Variants in SLC25A23 observed in about 807,000 individuals in gnomAD.
SLC25A23 encodes the protein solute carrier family 25 member 23, also known as mitochondrial adenyl nucleotide antiporter SLC25A23.
SLC25A23 carries 32 observed loss-of-function variants against 53.9 expected under a neutral mutation model. The ratio of observed to expected loss-of-function variants is 0.59; its 90% CI spans 0.45 to 0.80. The LOEUF is 0.80. Ranked by LOEUF, SLC25A23 falls within the 30% of genes least tolerant of loss-of-function variation. The pLI, the probability that SLC25A23 is intolerant of heterozygous loss-of-function variation, is 0.00. For missense variants in SLC25A23, 575 were observed against 651.4 expected (o/e 0.88, Z 1.28); for synonymous variants, 275 against 264.5 (o/e 1.04, Z -0.38).
Position 6,452,474 on chromosome 19 carries a change from C to G in SLC25A23, c.909G>C (p.Leu303=). ...AQTIIYPMEV[L]KTRLTLRRTG... is the part of the protein sequence containing the mutation. Reference sequence around the variant, plus strand: ...TCCGGCGCAAGGTCAGCCGCGTCTTCAGCACCTGGGGAGAACCTGGTTATC... The same window carrying G: ...TCCGGCGCAAGGTCAGCCGCGTCTTGAGCACCTGGGGAGAACCTGGTTATC... Residue 303 remains leucine, a synonymous_variant, in exon 8 of 10, where the codon CTG becomes CTC. Coordinates refer to ENST00000301454, the MANE Select transcript of SLC25A23 (RefSeq NM_024103.3). The G allele has an allele frequency of 1.2e-6, 2 of 1,603,344 alleles. No individual in the cohort carries two copies. Among genetic ancestry groups the G allele is most frequent in the Admixed American group, 3.4e-5 (2 of 59,190 alleles).
rs868089702 is a variant in SLC25A23 at position 6,454,470 on chromosome 19, A to C, written c.648T>G (p.His216Gln). Reference protein sequence around the residue: ...LDRLKVFMQVHASKTNRLNIL... With the variant: ...LDRLKVFMQVQASKTNRLNIL... The stretch of plus-strand genomic sequence containing the variant: ...TGTTCAGCCGGTTGGTCTTTGAGGC[A>C]TGGACCTGAATGGGGAGACAACAGC... Residue 216 changes from histidine (H) to glutamine (Q), a missense_variant, in exon 6 of 10, where the codon CAT becomes CAG. Physicochemically the swap from His to Gln is conservative, Grantham distance 24 (BLOSUM62 0). Coordinates refer to ENST00000301454, the MANE Select transcript of SLC25A23 (RefSeq NM_024103.3). This position sits in a 1 kb window ranked among gnomAD's most constrained non-coding sequence, Gnocchi z 4.3. The C allele has an allele frequency of 6.2e-7, 1 of 1,614,000 alleles. No individual in the cohort carries two copies.
intron 8 of SLC25A23, among the ~76,000 whole-genome samples, chr19:6,451,793 G>A (rs1023769863): frequency 2.0e-5 from 3 of 151,640 alleles, no homozygotes; most frequent in Non-Finnish European, 4.4e-5. Flanking sequence ...ACTTGCTTCG[G>A]GGAAGTTGGG....
In SLC25A23 at chr19:6,457,609, G is replaced by A; in HGVS notation, c.284-19C>T. On this transcript the variant is annotated intron_variant, in intron 2 of 9. Transcript: ENST00000301454. ...ATGTGACCTGGGGAGGGGGCCGGAG[G>A]TGGGGAAGGATGTGCGTGTGAGGAC... The A allele has an allele frequency of 1.2e-6, 2 of 1,611,162 alleles. No individual in the cohort carries two copies. Among genetic ancestry groups the A allele is most frequent in the Non-Finnish European group, 1.7e-6 (2 of 1,177,664 alleles).
intron 8 of SLC25A23, among the ~76,000 whole-genome samples, chr19:6,451,830 C>CTTT (rs1222647154): frequency 0.018 from 2,252 of 124,134 alleles, 157 homozygotes; most frequent in African/African-American, 0.074. Context: ...CTTTGCCTGC[C>CTTT]TTTTTTTTTT....
chr19:6,450,345 T>C (rs1256899824), intron 8 of SLC25A23, among the ~76,000 whole-genome samples: 1 of 152,144 alleles, frequency 6.6e-6, no homozygotes, highest in Non-Finnish European at 1.5e-5. Context: ...GGCTTCAATG[T>C]CACCTTCTTG....
In SLC25A23 at chr19:6,459,263, G is replaced by A. The variant is rs1397756270; in HGVS notation, c.156+210C>T. On this transcript the variant is annotated intron_variant, in intron 1 of 9. Coordinates refer to ENST00000301454, the MANE Select transcript of SLC25A23 (RefSeq NM_024103.3). This position sits in a 1 kb window ranked among gnomAD's most constrained non-coding sequence, Gnocchi z 4.6. ...GCAGCAGGGGGATCGGGTGTTGGCC[G>A]CGGAACTGCAGGCTTGGGGCCTCGG... Among the ~76,000 whole-genome samples the A allele has an allele frequency of 6.6e-6, 1 of 152,176 alleles. No homozygotes were observed. Among genetic ancestry groups the A allele is most frequent in the East Asian group, 1.9e-4 (1 of 5,184 alleles).
chr19:6,444,139 C>A lies in SLC25A23; in HGVS notation c.1222+12G>T. 1 of 1,557,848 alleles carries A rather than the reference C, an allele frequency of 6.4e-7. No individual in the cohort carries two copies. Among genetic ancestry groups the A allele is most frequent in the Non-Finnish European group, 8.7e-7 (1 of 1,146,976 alleles). ...AGACTCCCCCTGCCCCATCCTCCCG[C>A]CCAGGCCTCACCTTGTGCCTGCATG... On this transcript the variant is annotated intron_variant, in intron 9 of 9. Transcript: ENST00000301454.
intron 8 of SLC25A23, 60 bp from the exon 9 acceptor site, chr19:6,444,361 A>G (rs746911745): frequency 1.2e-5 from 18 of 1,519,060 alleles, no homozygotes; most frequent in Non-Finnish European, 1.5e-5. Flanking sequence ...CCTGGCTTCA[A>G]AGGCCTGCTG....
At chr19:6,437,529 G>A (rs1242570819), downstream of SLC25A23, among the ~76,000 whole-genome samples, 2 of 152,178 alleles carry the variant, frequency 1.3e-5, no homozygotes, top group African/African-American at 4.8e-5. Context: ...CATGGAATCG[G>A]CCAGGCGCAG....
chr19:6,451,943 C>T (rs1449903782), intron 8 of SLC25A23, among the ~76,000 whole-genome samples: 4 of 151,168 alleles, frequency 2.6e-5, no homozygotes, highest in Non-Finnish European at 5.9e-5. Context: ...CTGCAACCTC[C>T]GCCTCCCAGG....
At chr19:6,448,784 G>A (rs1294124530) in intron 8 of SLC25A23, among the ~76,000 whole-genome samples, 3 of 151,772 alleles carry the variant, frequency 2.0e-5, no homozygotes, top group South Asian at 2.1e-4. Flanking sequence ...AGCATTTTGG[G>A]AGGCCGAGGT....
chr19:6,445,616 C>T lies in SLC25A23; in HGVS notation c.1072-1315G>A, dbSNP rs1035637583. ...AAGGAACGCAGCCCTGCCAACATCTCGATTTTATAAAGCCCAGTAAGAACC... is the reference window on the plus strand; with the variant it reads ...AAGGAACGCAGCCCTGCCAACATCTTGATTTTATAAAGCCCAGTAAGAACC... On this transcript the variant is annotated intron_variant, in intron 8 of 9. Coordinates refer to ENST00000301454, the MANE Select transcript of SLC25A23 (RefSeq NM_024103.3). 3.9e-5 allele frequency among the ~76,000 whole-genome samples: 6 copies of T among 152,192 alleles called. No homozygotes were observed. In the East Asian group the frequency reaches 9.7e-4, roughly 24 times the overall value.
rs1037402198 is a variant in SLC25A23 at position 6,442,279 on chromosome 19, C to T, written c.1223-120G>A. 6 of 656,306 alleles carry T rather than the reference C, an allele frequency of 9.1e-6. No homozygotes were observed. In the African/African-American group the frequency reaches 1.1e-4, roughly 12 times the overall value. The allele number at this position is 656,306 out of a possible 1,614,324, so 40.7% of individuals were successfully genotyped here. On this transcript the variant is annotated intron_variant, in intron 9 of 9. Transcript: ENST00000301454. Reference sequence around the variant, plus strand: ...GCAGGAGGGAAGGAGGTTAGACTAACAGTGGGACCTACCACTCAGAGTCGA... The same window carrying T: ...GCAGGAGGGAAGGAGGTTAGACTAATAGTGGGACCTACCACTCAGAGTCGA...
At position 6,459,634 on chromosome 19, in the gene SLC25A23, C is replaced by A. The variant is rs747015663; in HGVS notation, c.-6G>T. 2 of 1,465,818 alleles carry A rather than the reference C, an allele frequency of 1.4e-6. No homozygotes were observed. Among genetic ancestry groups the A allele is most frequent in the African/African-American group, 2.9e-5 (2 of 69,132 alleles). 90.8% of individuals were successfully genotyped at this position (1,465,818 alleles called of 1,614,324 possible). ...TCGCCCGGGCTCCCCCGCATGGCGC[C>A]CGCCCGGGGGGGAGGGGAGGCCCGG... On this transcript the variant is annotated 5_prime_UTR_variant, in exon 1 of 10. Transcript: ENST00000301454. This position sits in a 1 kb window ranked among gnomAD's most constrained non-coding sequence, Gnocchi z 4.6.
Position 6,459,347 on chromosome 19 carries a change from A to C in SLC25A23, c.156+126T>G. On this transcript the variant is annotated intron_variant, in intron 1 of 9. Coordinates refer to ENST00000301454, the MANE Select transcript of SLC25A23 (RefSeq NM_024103.3). The surrounding 1 kb of genome is among the most constrained non-coding windows in gnomAD (Gnocchi z 4.6). ...CACGAGTGGGTAGGGGGAACGAGAC[A>C]GAGACACAGGTTCTGGAGTCCAGCC... 7 of 772,116 alleles carry C rather than the reference A, an allele frequency of 9.1e-6. No homozygotes were observed. Among genetic ancestry groups the C allele is most frequent in the African/African-American group, 1.8e-5 (1 of 54,558 alleles). 47.8% of individuals were successfully genotyped at this position (772,116 alleles called of 1,614,324 possible).
chr19:6,452,874 C>T (rs974293903), intron 7 of SLC25A23, among the ~76,000 whole-genome samples: 3 of 152,170 alleles, frequency 2.0e-5, no homozygotes, highest in African/African-American at 7.2e-5. Context: ...TTGTTCCCTT[C>T]TGCTTTCATA....
intron 9 of SLC25A23, among the ~76,000 whole-genome samples, chr19:6,443,923 G>C (rs2092464405): frequency 1.3e-5 from 2 of 152,304 alleles, no homozygotes; most frequent in African/African-American, 2.4e-5. Flanking sequence ...CGACATCCCA[G>C]CTAAGTCTGC....
downstream of SLC25A23, among the ~76,000 whole-genome samples, chr19:6,439,473 A>G (rs1241369816): frequency 1.3e-5 from 2 of 151,330 alleles, no homozygotes; most frequent in Non-Finnish European, 2.9e-5. Context: ...GTTTGTGATA[A>G]TTTGGTCTGG....
At position 6,444,165 on chromosome 19, in the gene SLC25A23, C is replaced by T. The variant is rs369865997; in HGVS notation, c.1208G>A (p.Arg403His). 2.9e-5 allele frequency: 46 copies of T among 1,584,536 alleles called. No individual in the cohort carries two copies. Among genetic ancestry groups the T allele is most frequent in the Admixed American group, 3.5e-5 (2 of 56,582 alleles). The stretch of plus-strand genomic sequence containing the variant: ...CCAGGCCTCACCTTGTGCCTGCATG[C>T]GGGTCCGGACCAGGGCCAGCGGGTA... ...ASYPLALVRT[R>H]MQAQASIEGG... Residue 403 changes from arginine (R) to histidine (H), a missense_variant, in exon 9 of 10, where the codon CGC becomes CAC. Transcript: ENST00000301454.
Sources: allele counts gnomAD v4.1 joint callset (sites outside exome capture counted in the v4.1 genomes callset), GRCh38; gene constraint gnomAD v4.1.1; non-coding constraint Gnocchi (gnomAD v3.1); transcripts MANE v1.5; gene names NCBI Gene and HGNC (gene_info 2026-07-23, HGNC 2026-07-21).